SLC44A5: variants seen among roughly 807,000 people sequenced by gnomAD.
The protein encoded by SLC44A5 is solute carrier family 44 member 5.
Under a neutral mutation model 101.8 loss-of-function variants are expected in SLC44A5, and 57 were observed. The observed-to-expected ratio is 0.56, with a 90% CI of 0.45 to 0.70. The LOEUF (loss-of-function observed/expected upper bound fraction) is 0.70, where lower values mean the gene tolerates loss of function less well. Ranked by LOEUF, SLC44A5 falls within the 30% of genes least tolerant of loss-of-function variation. The probability of loss-of-function intolerance (pLI) is 0.00; values close to 1 mark genes in which losing one functional copy is unlikely to be tolerated. For synonymous variants in SLC44A5, 281 were observed against 290.9 expected, an observed-to-expected ratio of 0.97 and a Z score of 0.35; for missense variants, 737 against 853.1, an observed-to-expected ratio of 0.86 and a Z score of 1.70.
chr1:75,449,779 G>A (rs1471492407), intron 2 of SLC44A5, among the ~76,000 whole-genome samples: 2 of 152,094 alleles, frequency 1.3e-5, no homozygotes, highest in African/African-American at 4.8e-5. Flanking sequence ...GAGAAGGGCG[G>A]ATCACAAGGT....
intron 23 of SLC44A5, among the ~76,000 whole-genome samples, chr1:75,204,081 A>C (rs894143458): frequency 6.6e-6 from 1 of 152,208 alleles, no homozygotes; most frequent in Non-Finnish European, 1.5e-5. Flanking sequence ...GATTCTGCCA[A>C]TATTGCGTGT....
intron 2 of SLC44A5, among the ~76,000 whole-genome samples, chr1:75,407,066 C>A (rs745589177): frequency 3.3e-5 from 5 of 152,060 alleles, no homozygotes; most frequent in Non-Finnish European, 5.9e-5. Context: ...ACACCAATAA[C>A]AGACAAACAG....
At chr1:75,644,645 T>A in the SLC44A5 span, among the ~76,000 whole-genome samples, 42,444 of 149,934 alleles carry the variant, frequency 0.28, 7,257 homozygotes, top group East Asian at 0.67. Flanking sequence ...TATATATATT[T>A]TTTTTTAATT....
At chr1:75,275,737 T>C (rs963697109) in intron 5 of SLC44A5, among the ~76,000 whole-genome samples, 11 of 152,172 alleles carry the variant, frequency 7.2e-5, no homozygotes, top group African/African-American at 2.7e-4. Context: ...ACTTGATAGC[T>C]AGACCATAGG....
intron 3 of SLC44A5, among the ~76,000 whole-genome samples, chr1:75,369,015 C>A (rs913269225): frequency 1.3e-5 from 2 of 151,002 alleles, no homozygotes; most frequent in African/African-American, 2.4e-5. Context: ...CTCTTTCTCA[C>A]ATTTTTTTTT....
At chr1:75,293,646 A>G (rs2100833814) in intron 5 of SLC44A5, among the ~76,000 whole-genome samples, 2 of 152,338 alleles carry the variant, frequency 1.3e-5, no homozygotes, top group East Asian at 3.9e-4. Flanking sequence ...CTATAGAAAC[A>G]TTTTTGGAAG....
chr1:75,631,046 T>C, the SLC44A5 span, among the ~76,000 whole-genome samples: 2 of 152,226 alleles, frequency 1.3e-5, no homozygotes, highest in African/African-American at 2.4e-5. Context: ...ATTTGTACCA[T>C]CAAAAAATAC....
intron 5 of SLC44A5, among the ~76,000 whole-genome samples, chr1:75,281,311 G>A (rs1380744965): frequency 6.6e-6 from 1 of 152,104 alleles, no homozygotes; most frequent in Non-Finnish European, 1.5e-5. Context: ...CCCTGCCCTA[G>A]AGATCTGTGG....
chr1:75,331,598 C>G (rs1444173276), intron 4 of SLC44A5, among the ~76,000 whole-genome samples: 1 of 152,150 alleles, frequency 6.6e-6, no homozygotes, highest in Non-Finnish European at 1.5e-5. Flanking sequence ...ACAGAGCAGT[C>G]AGGATGAGTT....
At chr1:75,439,664 A>G (rs1162249547) in intron 2 of SLC44A5, among the ~76,000 whole-genome samples, 1 of 152,150 alleles carries the variant, frequency 6.6e-6, no homozygotes, top group Non-Finnish European at 1.5e-5. Context: ...AGCTCAGAAA[A>G]ACACAATATG....
chr1:75,311,636 G>T (rs1570643706), intron 4 of SLC44A5: 1 of 895,434 alleles, frequency 1.1e-6, no homozygotes, highest in East Asian at 1.2e-4. Flanking sequence ...CGGATACTGT[G>T]GCAGATGCTA....
chr1:75,489,479 A>ATTTG (rs1412829123), intron 2 of SLC44A5, among the ~76,000 whole-genome samples: 1 of 152,194 alleles, frequency 6.6e-6, no homozygotes. Flanking sequence ...TAGGTTTTTC[A>ATTTG]TTTGTTTGTT....
At chr1:75,459,228 C>A (rs1414223148) in intron 2 of SLC44A5, among the ~76,000 whole-genome samples, 1 of 152,146 alleles carries the variant, frequency 6.6e-6, no homozygotes, top group East Asian at 1.9e-4. Flanking sequence ...CACTATAAAG[C>A]TATTGCCTGT....
intron 4 of SLC44A5, among the ~76,000 whole-genome samples, chr1:75,312,180 A>G (rs1222339916): frequency 6.6e-6 from 1 of 152,036 alleles, no homozygotes; most frequent in African/African-American, 2.4e-5. Flanking sequence ...ACCATGTAAG[A>G]TGTGACTTAC....
chr1:75,301,774 G>A (rs1228420718), intron 4 of SLC44A5, among the ~76,000 whole-genome samples: 3 of 152,128 alleles, frequency 2.0e-5, no homozygotes, highest in Admixed American at 6.5e-5. Context: ...AAGTGAGTTC[G>A]CTTACTTAAG....
At chr1:75,281,376 C>T (rs1300552123) in intron 5 of SLC44A5, among the ~76,000 whole-genome samples, 2 of 151,994 alleles carry the variant, frequency 1.3e-5, no homozygotes, top group Non-Finnish European at 2.9e-5. Flanking sequence ...AATTTCTAAG[C>T]AGCAAAACGT....
chr1:75,615,369 T>G (rs1675824249), upstream of SLC44A5, among the ~76,000 whole-genome samples: 1 of 145,366 alleles, frequency 6.9e-6, no homozygotes, highest in Admixed American at 7.0e-5. Context: ...GGAGGGGGGA[T>G]TGGAAGAAAA....
At chr1:75,698,514 A>G in the SLC44A5 span, among the ~76,000 whole-genome samples, 9 of 152,262 alleles carry the variant, frequency 5.9e-5, no homozygotes, top group Admixed American at 1.3e-4. Flanking sequence ...CATCACCATC[A>G]TCAAAGACCA....
chr1:75,638,540 G>A, the SLC44A5 span, among the ~76,000 whole-genome samples: 1 of 151,980 alleles, frequency 6.6e-6, no homozygotes, highest in African/African-American at 2.4e-5. Context: ...GAAAGCCAAC[G>A]AAAGAGCCCA....
Sources: allele counts gnomAD v4.1 joint callset (sites outside exome capture counted in the v4.1 genomes callset), GRCh38; gene constraint gnomAD v4.1.1; transcripts MANE v1.5; gene names NCBI Gene and HGNC (gene_info 2026-07-23, HGNC 2026-07-21).